RAPGEF2: variants seen among roughly 807,000 people sequenced by gnomAD.
RAPGEF2 encodes PDZ domain containing guanine nucleotide exchange factor (GEF) 1.
A neutral mutation model predicts 186.7 loss-of-function variants in RAPGEF2; 54 were observed. The observed-to-expected ratio is 0.29, with a 90% confidence interval of 0.23 to 0.36. The LOEUF (loss-of-function observed/expected upper bound fraction) is 0.36. Ranked by LOEUF, RAPGEF2 falls within the 10% of genes least tolerant of loss-of-function variation. RAPGEF2 has a pLI of 1.00. For synonymous variants in RAPGEF2, 712 were observed against 705.9 expected (o/e 1.01, Z -0.14); for missense variants, 1,532 against 2,045.0 (o/e 0.75, Z 4.84).
At chr4:159,178,550 G>A (rs1374905713) in intron 1 of RAPGEF2, among the ~76,000 whole-genome samples, 1 of 94,608 alleles carries the variant, frequency 1.1e-5, no homozygotes, top group African/African-American at 5.1e-5. Flanking sequence ...CATGTATTAT[G>A]CTTTTTTTTT....
chr4:159,147,352 G>T (rs1743055660), intron 1 of RAPGEF2, among the ~76,000 whole-genome samples: 1 of 150,976 alleles, frequency 6.6e-6, no homozygotes. Context: ...AACTAAACAT[G>T]CAGTTTTGCA....
At chr4:159,159,460 A>G (rs951049287) in intron 1 of RAPGEF2, among the ~76,000 whole-genome samples, 5 of 111,242 alleles carry the variant, frequency 4.5e-5, no homozygotes, top group South Asian at 3.5e-4. Flanking sequence ...TGATTTAAGT[A>G]CATATAGTGG....
At chr4:159,348,106 AGCTACC>A (rs2111303994) in intron 25 of RAPGEF2, among the ~76,000 whole-genome samples, 1 of 152,202 alleles carries the variant, frequency 6.6e-6, no homozygotes, top group East Asian at 1.9e-4. Context: ...CTGCAGTCCT[AGCTACC>A]TGGGAAGCTG....
chr4:159,335,003 TTATAC>T (rs1310306936), intron 17 of RAPGEF2, among the ~76,000 whole-genome samples: 1 of 152,226 alleles, frequency 6.6e-6, no homozygotes, highest in Non-Finnish European at 1.5e-5. Flanking sequence ...CAGACTTGAT[TTATAC>T]TATACTAGCT....
At chr4:159,295,575 A>G (rs531115127) in intron 7 of RAPGEF2, among the ~76,000 whole-genome samples, 2 of 152,260 alleles carry the variant, frequency 1.3e-5, no homozygotes, top group East Asian at 3.9e-4. Flanking sequence ...CGATTGTACC[A>G]TTTGAGGTCT....
At chr4:159,188,141 T>C (rs1747738288) in intron 2 of RAPGEF2, among the ~76,000 whole-genome samples, 1 of 151,720 alleles carries the variant, frequency 6.6e-6, no homozygotes, top group Non-Finnish European at 1.5e-5. Flanking sequence ...ACGACAACTT[T>C]GCTAAGAAAA....
At chr4:159,283,771 A>G (rs185634496) in intron 7 of RAPGEF2, among the ~76,000 whole-genome samples, 1 of 152,228 alleles carries the variant, frequency 6.6e-6, no homozygotes, top group Non-Finnish European at 1.5e-5. Context: ...ATTTTTTTAA[A>G]AAAACCCTTT....
chr4:159,350,138 C>A lies in RAPGEF2; in HGVS notation c.3714C>A (p.Gly1238=). The part of the protein sequence containing the change: ...KVPVKDLPPF[G]INSPQALKKI... ...AAGGTTTTTTTTTTTCCATTATAGG[C>A]ATAAACTCTCCACAAGCTTTAAAAA... Residue 1238 remains glycine, a splice_region_variant and synonymous_variant, in exon 26 of 30, where the codon GGC becomes GGA. Transcript: ENST00000691494. The A allele has an allele frequency of 1.3e-6, 2 of 1,536,514 alleles. No homozygotes were observed. Among genetic ancestry groups the A allele is most frequent in the Non-Finnish European group, 8.8e-7 (1 of 1,138,134 alleles).
intron 3 of RAPGEF2, among the ~76,000 whole-genome samples, chr4:159,200,636 T>G (rs912850996): frequency 2.0e-5 from 3 of 152,212 alleles, no homozygotes; most frequent in Admixed American, 2.0e-4. Flanking sequence ...GTCTTCAATA[T>G]TTTCATCAGC....
chr4:159,216,568 A>G (rs985436952), intron 4 of RAPGEF2, among the ~76,000 whole-genome samples: 5 of 152,058 alleles, frequency 3.3e-5, no homozygotes, highest in African/African-American at 4.8e-5. Context: ...GAATGAGATC[A>G]ATTTATCTAG....
At chr4:159,199,271 C>T (rs1053720384) in intron 3 of RAPGEF2, among the ~76,000 whole-genome samples, 2 of 152,036 alleles carry the variant, frequency 1.3e-5, no homozygotes, top group Admixed American at 1.3e-4. Context: ...TCCTTTAAGG[C>T]TTCTTGACAA....
intron 20 of RAPGEF2, among the ~76,000 whole-genome samples, chr4:159,342,551 ATATTATTTTATTTTATTTTATT>A (rs1729640764): frequency 2.9e-5 from 3 of 103,072 alleles, no homozygotes; most frequent in African/African-American, 1.4e-4. Flanking sequence ...ATTTTATTTT[ATATTATTTTATTTTATTTTATT>A]TTATTTTATT....
rs1450767979 is a variant in RAPGEF2, at chr4:159,339,486, T to G, written c.2534+132T>G. ...CTGCGATTAAAAAGTATTGTTGTTG[T>G]TTTTTTTTTCCTTTCACCAAGAATT... On this transcript the variant is annotated intron_variant, in intron 19 of 29. Transcript: ENST00000691494. 1.6e-5 allele frequency: 17 copies of G among 1,093,448 alleles called. No homozygotes were observed. The East Asian group carries it at 1.6e-4, about 10-fold the overall frequency. The allele number at this position is 1,093,448 out of a possible 1,614,324, so 67.7% of individuals were successfully genotyped here.
intron 25 of RAPGEF2, among the ~76,000 whole-genome samples, chr4:159,347,246 A>G (rs552193222): frequency 1.3e-5 from 2 of 152,304 alleles, no homozygotes; most frequent in East Asian, 3.9e-4. Flanking sequence ...TAGAGAAGTT[A>G]TGTGTCTATT....
intron 7 of RAPGEF2, among the ~76,000 whole-genome samples, chr4:159,259,027 T>C (rs1756503392): frequency 6.6e-6 from 1 of 152,208 alleles, no homozygotes; most frequent in African/African-American, 2.4e-5. Flanking sequence ...CTGATGTGTT[T>C]TGTCAATGAA....
intron 7 of RAPGEF2, among the ~76,000 whole-genome samples, chr4:159,274,812 G>A (rs1406278316): frequency 6.6e-6 from 1 of 152,092 alleles, no homozygotes; most frequent in East Asian, 1.9e-4. Flanking sequence ...ATATAAATTT[G>A]CTACTTTAAA....
intron 1 of RAPGEF2, among the ~76,000 whole-genome samples, chr4:159,186,007 C>A (rs1364357923): frequency 6.6e-6 from 1 of 151,908 alleles, no homozygotes; most frequent in East Asian, 1.9e-4. Flanking sequence ...TCTGGCTTGT[C>A]ACAAATGAAT....
chr4:159,195,889 T>TG (rs1748599198), intron 3 of RAPGEF2, among the ~76,000 whole-genome samples: 1 of 147,216 alleles, frequency 6.8e-6, no homozygotes, highest in Non-Finnish European at 1.5e-5. Context: ...TTTTTTTTTT[T>TG]TTTTTTTTTT....
intron 4 of RAPGEF2, among the ~76,000 whole-genome samples, chr4:159,223,495 A>G (rs1054497139): frequency 1.1e-4 from 16 of 152,188 alleles, no homozygotes; most frequent in African/African-American, 2.7e-4. Flanking sequence ...AATGAGGGCA[A>G]TGGTTAAAAT....
Sources: allele counts gnomAD v4.1 joint callset (sites outside exome capture counted in the v4.1 genomes callset), GRCh38; gene constraint gnomAD v4.1.1; transcripts MANE v1.5; gene names NCBI Gene and HGNC (gene_info 2026-07-23, HGNC 2026-07-21).